The following CACNA1B variants were observed in gnomAD, a reference collection of about 807,000 sequenced individuals.
The protein encoded by CACNA1B is calcium voltage-gated channel subunit alpha1 B.
CACNA1B carries 70 observed loss-of-function variants against 247.2 expected under a neutral mutation model. The observed-to-expected ratio is 0.28, with a 90% CI of 0.23 to 0.35. CACNA1B has a LOEUF of 0.35. Ranked by LOEUF, CACNA1B falls within the 10% of genes least tolerant of loss-of-function variation. The pLI, the probability that CACNA1B is intolerant of heterozygous loss-of-function variation, is 1.00. For missense variants in CACNA1B, 2,367 were observed against 3,197.4 expected, an observed-to-expected ratio of 0.74 and a Z score of 6.26; for synonymous variants, 1,231 against 1,294.4, an observed-to-expected ratio of 0.95 and a Z score of 1.05.
At position 138,102,129 on chromosome 9, in the gene CACNA1B, G is replaced by A. The variant is rs1316744080; in HGVS notation, c.5223-582G>A. Among the ~76,000 whole-genome samples, 2 of 152,210 alleles carry A rather than the reference G, an allele frequency of 1.3e-5. No homozygotes were observed. The highest frequency in any genetic ancestry group is 3.9e-4 in the East Asian group (2 of 5,184). On this transcript the variant is annotated intron_variant, in intron 37 of 46. Coordinates refer to ENST00000371372, the MANE Select transcript of CACNA1B (RefSeq NM_000718.4). This position sits in a 1 kb window ranked among gnomAD's most constrained non-coding sequence, Gnocchi z 5.4. ...TGAAGCAGGACTTGCCCCAAGGTTAGGTTTTGGCTGTACAGCTTCAGGGCT... is the reference window on the plus strand; with the variant it reads ...TGAAGCAGGACTTGCCCCAAGGTTAAGTTTTGGCTGTACAGCTTCAGGGCT...
intron 32 of CACNA1B, among the ~76,000 whole-genome samples, chr9:138,071,479 C>T (rs1054465801): frequency 3.3e-5 from 5 of 152,170 alleles, no homozygotes; most frequent in African/African-American, 1.2e-4. Context: ...TGGCATGGTG[C>T]TCGGCCTGCC....
chr9:138,111,945 T>A (rs986240550), intron 39 of CACNA1B, among the ~76,000 whole-genome samples: 6 of 152,156 alleles, frequency 3.9e-5, no homozygotes, highest in African/African-American at 1.4e-4. Flanking sequence ...ACACTTTTTT[T>A]TTTTTTTTAC....
chr9:138,057,598 G>C lies in CACNA1B; in HGVS notation c.3969-134G>C. On this transcript the variant is annotated intron_variant, in intron 26 of 46. Transcript: ENST00000371372. This position sits in a 1 kb window ranked among gnomAD's most constrained non-coding sequence, Gnocchi z 4.0. ...GGTCACATTCATTCTTCTGCATGTG[G>C]ACATCCAGTTTTCCCAGCACAGTCT... 1 of 750,898 alleles carries C rather than the reference G, an allele frequency of 1.3e-6. No individual in the cohort carries two copies. The highest frequency in any genetic ancestry group is 2.1e-6 in the Non-Finnish European group (1 of 473,940). 46.5% of individuals were successfully genotyped at this position (750,898 alleles called of 1,614,324 possible).
At chr9:138,045,390 A>G (rs1302123183) in intron 21 of CACNA1B, among the ~76,000 whole-genome samples, 1 of 152,026 alleles carries the variant, frequency 6.6e-6, no homozygotes, top group East Asian at 1.9e-4. Context: ...AGGCAGAGAG[A>G]GTGGTGGTTT....
intron 15 of CACNA1B, among the ~76,000 whole-genome samples, chr9:137,999,523 T>G (rs540644876): frequency 9.5e-4 from 144 of 151,848 alleles, no homozygotes; most frequent in Non-Finnish European, 1.6e-3. Context: ...AAACAAGTAC[T>G]CTTAAAAAAA....
chr9:138,115,950 G>C (rs992017625), intron 42 of CACNA1B, among the ~76,000 whole-genome samples: 2 of 152,238 alleles, frequency 1.3e-5, no homozygotes, highest in African/African-American at 4.8e-5. Context: ...CTGCCTGAGA[G>C]CAGTCAAGGG....
chr9:138,000,168 G>T (rs910001099), intron 15 of CACNA1B, among the ~76,000 whole-genome samples: 4 of 150,884 alleles, frequency 2.7e-5, no homozygotes, highest in Non-Finnish European at 5.9e-5. Context: ...GTGCGATCTC[G>T]GCTCACTGCA....
At chr9:138,005,672 A>T (rs1958638111) in intron 15 of CACNA1B, among the ~76,000 whole-genome samples, 1 of 152,242 alleles carries the variant, frequency 6.6e-6, no homozygotes, top group Admixed American at 6.5e-5. Context: ...ACCCTATTTG[A>T]TCATTGCGCA....
chr9:138,067,380 G>A (rs1809514690), intron 31 of CACNA1B, among the ~76,000 whole-genome samples: 1 of 152,250 alleles, frequency 6.6e-6, no homozygotes, highest in South Asian at 2.1e-4. Context: ...AACTAGACTA[G>A]TATAATGTTG....
chr9:138,069,657 G>GA, intron 31 of CACNA1B, 101 bp from the exon 32 acceptor site: 1 of 871,410 alleles, frequency 1.1e-6, no homozygotes. Flanking sequence ...CATACAATGC[G>GA]AAAACCCATG....
chr9:138,115,712 G>A (rs753428999), intron 42 of CACNA1B, 33 bp downstream of exon 42: 2 of 1,591,598 alleles, frequency 1.3e-6, no homozygotes, highest in Admixed American at 1.7e-5. Context: ...TAGCTGGACA[G>A]GAGGAGGTCC....
At chr9:138,090,540 A>C (rs1467485020) in intron 36 of CACNA1B, among the ~76,000 whole-genome samples, 1 of 152,026 alleles carries the variant, frequency 6.6e-6, no homozygotes, top group Non-Finnish European at 1.5e-5. Context: ...CAACCAAAGC[A>C]CAAATAGACA....
Position 137,984,274 on chromosome 9 carries a change from G to A in CACNA1B, c.1769+24G>A, listed in dbSNP as rs561329304. 22 of 1,514,456 alleles carry A rather than the reference G, an allele frequency of 1.5e-5. No homozygotes were observed. In the East Asian group the frequency reaches 2.4e-4, roughly 17 times the overall value. The allele number at this position is 1,514,456 out of a possible 1,614,324, so 93.8% of individuals were successfully genotyped here. A position where few individuals can be genotyped will look rare whatever the true frequency, so the allele number is the denominator to read the frequency against. On this transcript the variant is annotated intron_variant, in intron 13 of 46. Coordinates refer to ENST00000371372, the MANE Select transcript of CACNA1B (RefSeq NM_000718.4). Reference sequence around the variant, plus strand: ...AAGTACGTCCCCTGCGCTCCCAGGCGAGGGCAGGTGTAGGGTGGAGAGGGC... The same window carrying A: ...AAGTACGTCCCCTGCGCTCCCAGGCAAGGGCAGGTGTAGGGTGGAGAGGGC...
At chr9:138,001,450 G>A (rs550258407) in intron 15 of CACNA1B, among the ~76,000 whole-genome samples, 12 of 111,746 alleles carry the variant, frequency 1.1e-4, no homozygotes, top group African/African-American at 4.8e-4. Context: ...TTAAATGGGC[G>A]AATTATATCC....
rs1959665346 is a variant in CACNA1B at position 138,059,979 on chromosome 9, C to T, written c.4668+242C>T. Reference sequence around the variant, plus strand: ...TTTTGGGCTGCTGGCCTGAGAGTTACCTGGAGCTCCATGGTAACAACTAAT... The same window carrying T: ...TTTTGGGCTGCTGGCCTGAGAGTTATCTGGAGCTCCATGGTAACAACTAAT... On this transcript the variant is annotated intron_variant, in intron 31 of 46. Transcript: ENST00000371372. The surrounding 1 kb of genome is among the most constrained non-coding windows in gnomAD (Gnocchi z 4.2). Among the ~76,000 whole-genome samples the T allele has an allele frequency of 6.6e-6, 1 of 152,138 alleles. No individual in the cohort carries two copies. The highest frequency in any genetic ancestry group is 1.5e-5 in the Non-Finnish European group (1 of 68,026).
Position 138,072,860 on chromosome 9 carries a change from G to A in CACNA1B, c.4675-628G>A, listed in dbSNP as rs1960178487. ...CTCTAGAGCAGAGGCCTGTTTGACC[G>A]TGAATTGCAGAGGTGGCTTCCGTGG... is the stretch of plus-strand genomic sequence containing the variant. On this transcript the variant is annotated intron_variant, in intron 32 of 46. Transcript: ENST00000371372. The surrounding 1 kb of genome is among the most constrained non-coding windows in gnomAD (Gnocchi z 4.5). 6.6e-6 allele frequency among the ~76,000 whole-genome samples: 1 copy of A among 152,238 alleles called. No individual in the cohort carries two copies. The highest frequency in any genetic ancestry group is 1.5e-5 in the Non-Finnish European group (1 of 68,044).
Position 138,120,890 on chromosome 9 carries a change from AAT to A in CACNA1B, c.6489+11_6489+12del. 6.4e-7 allele frequency: 1 copy of A among 1,560,182 alleles called. No individual in the cohort carries two copies. Among genetic ancestry groups the A allele is most frequent in the Non-Finnish European group, 8.7e-7 (1 of 1,153,366 alleles). ...CGGGACCCCACCCACAGGTAAGAGG[AAT>A]AGGTGGAGAGGTCAGGGCCCAGCTG... On this transcript the variant is annotated intron_variant, in intron 46 of 46. Transcript: ENST00000371372.
At chr9:137,922,102 GCACCGCGATCACACAGCATC>G (rs1957491732) in intron 6 of CACNA1B, among the ~76,000 whole-genome samples, 1 of 146,360 alleles carries the variant, frequency 6.8e-6, no homozygotes, top group African/African-American at 2.6e-5. Flanking sequence ...AACATGATCA[GCACCGCGATCACACAGCATC>G]CTGGGAGCAG....
At chr9:137,923,108 T>G (rs1186516847) in intron 6 of CACNA1B, among the ~76,000 whole-genome samples, 1 of 152,258 alleles carries the variant, frequency 6.6e-6, no homozygotes, top group African/African-American at 2.4e-5. Flanking sequence ...GTTGGTAGCA[T>G]GTTTCCTTTT....
Sources: gnomAD v4.1 joint callset for allele counts (sites outside exome capture counted in the v4.1 genomes callset) on GRCh38, gnomAD v4.1.1 for gene constraint, Gnocchi (gnomAD v3.1) non-coding constraint, MANE v1.5 for transcripts, NCBI Gene and HGNC (gene_info 2026-07-23, HGNC 2026-07-21) for gene names.